ITGAE: variants seen among roughly 807,000 people sequenced by gnomAD.
ITGAE encodes the protein integrin subunit alpha E.
In ITGAE, 99 loss-of-function variants were observed where a neutral mutation model predicts 136.5. The observed-to-expected ratio is 0.73, with a 90% CI of 0.62 to 0.86. The LOEUF (loss-of-function observed/expected upper bound fraction) is 0.86. Ranked by LOEUF, ITGAE falls within the 40% of genes least tolerant of loss-of-function variation. ITGAE has a pLI of 0.00. For synonymous variants in ITGAE, 613 were observed against 591.8 expected, an observed-to-expected ratio of 1.04 and a Z score of -0.52; for missense variants, 1,447 against 1,515.3, an observed-to-expected ratio of 0.95 and a Z score of 0.75.
chr17:3,738,022 T>C (rs9898663), intron 20 of ITGAE, among the ~76,000 whole-genome samples: 29,546 of 152,118 alleles, frequency 0.19, 4,656 homozygotes, highest in African/African-American at 0.42. Flanking sequence ...AAGTCTTCAA[T>C]TGGTCCTGCA....
chr17:3,788,693 C>CATTAAAAATAATAATTATTAAAATA (rs2143441836), intron 1 of ITGAE, among the ~76,000 whole-genome samples: 1 of 54,972 alleles, frequency 1.8e-5, no homozygotes, highest in Admixed American at 1.8e-4. Flanking sequence ...AAAAAGTCTA[C>CATTAAAAATAATAATTATTAAAATA]ATTAAAAATA....
At chr17:3,719,842 C>T (rs1027000267) in intron 29 of ITGAE, among the ~76,000 whole-genome samples, 1 of 151,958 alleles carries the variant, frequency 6.6e-6, no homozygotes, top group Admixed American at 6.6e-5. Context: ...ATTCTCGTGC[C>T]TCAGCCTCCC....
At chr17:3,754,981 GC>G in intron 12 of ITGAE, 135 bp downstream of exon 12, 1 of 937,180 alleles carries the variant, frequency 1.1e-6, no homozygotes, top group Non-Finnish European at 1.4e-6. Context: ...CACCCAGGTA[GC>G]CCCCAGGCCC....
intron 21 of ITGAE, among the ~76,000 whole-genome samples, chr17:3,733,959 T>C (rs897601371): frequency 4.6e-5 from 7 of 152,258 alleles, no homozygotes; most frequent in Non-Finnish European, 1.0e-4. Context: ...TGAAGCTCTC[T>C]ACCTCAGGTG....
In ITGAE at chr17:3,782,303, C is replaced by T. The variant is rs545039538; in HGVS notation, c.35-4643G>A. Among the ~76,000 whole-genome samples the T allele has an allele frequency of 2.5e-5, 3 of 118,302 alleles. No individual in the cohort carries two copies. The East Asian group carries it at 8.8e-4, about 35-fold the overall frequency. 77.6% of individuals were successfully genotyped at this position (118,302 alleles called of 152,430 possible). A position where few individuals can be genotyped will look rare whatever the true frequency, so the allele number is the denominator to read the frequency against. On this transcript the variant is annotated intron_variant, in intron 1 of 30. Coordinates refer to ENST00000263087, the MANE Select transcript of ITGAE (RefSeq NM_002208.5). ...AAAAAAAAAAAAAAAAAAAAAAAAG[C>T]ATGGTCTGACCATGCCACTCCATTG...
intron 20 of ITGAE, chr17:3,739,068 C>T (rs7359554): frequency 0.33 from 49,005 of 150,714 alleles, 8,339 homozygotes; most frequent in Non-Finnish European, 0.38. Flanking sequence ...GCCACTAGCT[C>T]CTCACCCTGC....
At chr17:3,766,129 C>T (rs1186018723) in intron 2 of ITGAE, among the ~76,000 whole-genome samples, 1 of 152,052 alleles carries the variant, frequency 6.6e-6, no homozygotes, top group Non-Finnish European at 1.5e-5. Context: ...AAAACGGTGG[C>T]ATGGGCGAGC....
chr17:3,784,116 C>T lies in ITGAE; in HGVS notation c.35-6456G>A, dbSNP rs546367860. Among the ~76,000 whole-genome samples, 1,303 of 151,992 alleles carry T rather than the reference C, an allele frequency of 8.6e-3. 5 individuals carry two copies. The highest frequency in any genetic ancestry group is 0.031 in the Middle Eastern group (9 of 294). Reference sequence around the variant, plus strand: ...TCTACTAAAAATACAAAAAATTAGCCGGGCGTGGTGGCGGGCGCCTGTAGT... The same window carrying T: ...TCTACTAAAAATACAAAAAATTAGCTGGGCGTGGTGGCGGGCGCCTGTAGT... On this transcript the variant is annotated intron_variant, in intron 1 of 30. Coordinates refer to ENST00000263087, the MANE Select transcript of ITGAE (RefSeq NM_002208.5).
chr17:3,727,866 T>G, intron 26 of ITGAE, 53 bp downstream of exon 26: 1 of 1,105,500 alleles, frequency 9.0e-7, no homozygotes, highest in South Asian at 1.2e-5. Flanking sequence ...TACTTGAGAC[T>G]CTGTAGTCAC....
Position 3,756,363 on chromosome 17 carries a change from G to A in ITGAE, c.1172-466C>T, listed in dbSNP as rs2052026392. On this transcript the variant is annotated intron_variant, in intron 10 of 30. Coordinates refer to ENST00000263087, the MANE Select transcript of ITGAE (RefSeq NM_002208.5). ...ACCTGGTGCCTTAGCTTCCCAAGTA[G>A]CTGGGAATAGAGGTCATGCGCCACC... Among the ~76,000 whole-genome samples, 3 of 149,876 alleles carry A rather than the reference G, an allele frequency of 2.0e-5. No individual in the cohort carries two copies. In the South Asian group the frequency reaches 6.3e-4, roughly 32 times the overall value.
At chr17:3,773,154 G>A (rs1240582748) in intron 2 of ITGAE, among the ~76,000 whole-genome samples, 4 of 152,162 alleles carry the variant, frequency 2.6e-5, no homozygotes, top group Non-Finnish European at 4.4e-5. Flanking sequence ...GAGTGGCTCA[G>A]AGAACTCAGA....
intron 7 of ITGAE, 129 bp downstream of exon 7, chr17:3,760,043 G>C: frequency 1.5e-6 from 1 of 649,494 alleles, no homozygotes; most frequent in Non-Finnish European, 2.7e-6. Flanking sequence ...ATGGACAGAA[G>C]AATCATCCAG....
At chr17:3,747,321 CT>C (rs1158346854) in intron 17 of ITGAE, among the ~76,000 whole-genome samples, 126 of 147,264 alleles carry the variant, frequency 8.6e-4, no homozygotes, top group Admixed American at 8.8e-4. Context: ...TTTTCTGAGT[CT>C]TTTTTTTTTT....
intron 30 of ITGAE, among the ~76,000 whole-genome samples, chr17:3,716,437 G>A (rs1352386363): frequency 6.6e-6 from 1 of 152,148 alleles, no homozygotes; most frequent in Non-Finnish European, 1.5e-5. Context: ...ATTAAGTTCT[G>A]GGCCTTGAGA....
intron 1 of ITGAE, among the ~76,000 whole-genome samples, chr17:3,793,138 C>T (rs1389848656): frequency 6.6e-6 from 1 of 151,792 alleles, no homozygotes; most frequent in Non-Finnish European, 1.5e-5. Context: ...CTGCAACCTC[C>T]GCCTCCCGGG....
chr17:3,759,317 G>A lies in ITGAE; in HGVS notation c.866+85C>T, dbSNP rs564853620. On this transcript the variant is annotated intron_variant, in intron 8 of 30. Transcript: ENST00000263087. ...TGGAGCCCTAATTCTCTTCTCCTGC[G>A]GTTCTGGCCAGCCACTTCCTCCATG... 1.9e-4 allele frequency: 274 copies of A among 1,480,504 alleles called. 1 individual carries two copies. Among genetic ancestry groups the A allele is most frequent in the Middle Eastern group, 1.6e-3 (9 of 5,714 alleles). 91.7% of individuals were successfully genotyped at this position (1,480,504 alleles called of 1,614,324 possible). A position where few individuals can be genotyped will look rare whatever the true frequency, so the allele number is the denominator to read the frequency against.
At position 3,731,169 on chromosome 17, in the gene ITGAE, G is replaced by A. The variant is rs756572263; in HGVS notation, c.2769C>T (p.Val923=). 1.3e-5 allele frequency: 21 copies of A among 1,613,348 alleles called. No homozygotes were observed. In the African/African-American group the frequency reaches 1.6e-4, roughly 12 times the overall value. Residue 923 remains valine, a synonymous_variant, in exon 23 of 31, where the codon GTC becomes GTT. Transcript: ENST00000263087. ...AGGCATTCTCCTCTAGCTGCCAAAC[G>A]ACTGAAACATGAGCCTATTTTAAAG... The part of the protein sequence containing the change: ...VLKRSSAHVS[V]VWQLEENAFP...
chr17:3,733,253 G>C (rs1253904693), intron 21 of ITGAE, among the ~76,000 whole-genome samples: 1 of 152,006 alleles, frequency 6.6e-6, no homozygotes, highest in Non-Finnish European at 1.5e-5. Context: ...CCAAAGTGAT[G>C]GGATTACAGC....
chr17:3,761,625 A>G (rs926008264), intron 4 of ITGAE, 105 bp from the exon 5 acceptor site: 18 of 1,067,110 alleles, frequency 1.7e-5, no homozygotes, highest in Admixed American at 4.6e-5. Flanking sequence ...TCAACCAGGC[A>G]GGGGGCACAG....
Sources: allele counts gnomAD v4.1 joint callset (sites outside exome capture counted in the v4.1 genomes callset), GRCh38; gene constraint gnomAD v4.1.1; transcripts MANE v1.5; gene names NCBI Gene and HGNC (gene_info 2026-07-23, HGNC 2026-07-21).